Variants in ZNF831 observed in about 807,000 individuals in gnomAD.
The protein encoded by ZNF831 is chromosome 20 open reading frame 174.
Under a neutral mutation model 95.8 loss-of-function variants are expected in ZNF831, and 59 were observed. The ratio of observed to expected loss-of-function variants is 0.62; its 90% CI spans 0.50 to 0.77. ZNF831 has a LOEUF of 0.77. Among genes scored for constraint, ZNF831 ranks in the 30% least tolerant of loss-of-function variants. The pLI, the probability that ZNF831 is intolerant of heterozygous loss-of-function variation, is 0.00. For synonymous variants in ZNF831, 961 were observed against 925.5 expected (o/e 1.04, Z -0.70); for missense variants, 2,205 against 2,164.0 (o/e 1.02, Z -0.38).
At chr20:59,214,708 T>C (rs897925662) in intron 4 of ZNF831, among the ~76,000 whole-genome samples, 17 of 152,254 alleles carry the variant, frequency 1.1e-4, no homozygotes, top group African/African-American at 4.1e-4. Flanking sequence ...TACACATCCA[T>C]ATGAAGGGTG....
intron 4 of ZNF831, 24 bp from the exon 5 acceptor site, chr20:59,252,954 G>A (rs1987970898): frequency 1.9e-6 from 3 of 1,609,042 alleles, no homozygotes; most frequent in Non-Finnish European, 2.5e-6. Context: ...CCAGTCATAT[G>A]TAAATGTGCC....
At position 59,192,174 on chromosome 20, in the gene ZNF831, C is replaced by A. The variant is rs765050349; in HGVS notation, c.1155C>A (p.Val385=). ...GEGGPGPGPG[V]AGAEPGAREA... ...GCGGCCCGGGCCCGGGGCCAGGGGT[C>A]GCAGGGGCCGAGCCCGGGGCGCGAG... The change falls in exon 2 of 6, where the codon GTC becomes GTA. Residue 385 remains valine, a synonymous_variant. Coordinates refer to ENST00000371030, the MANE Select transcript of ZNF831 (RefSeq NM_178457.3). This position sits in a 1 kb window ranked among gnomAD's most constrained non-coding sequence, Gnocchi z 5.2. 1.3e-6 allele frequency: 2 copies of A among 1,562,930 alleles called. No homozygotes were observed. Among genetic ancestry groups the A allele is most frequent in the African/African-American group, 1.4e-5 (1 of 73,192 alleles).
intron 3 of ZNF831, among the ~76,000 whole-genome samples, chr20:59,200,923 A>C (rs527265976): frequency 3.3e-4 from 50 of 152,306 alleles, no homozygotes; most frequent in African/African-American, 1.1e-3. Flanking sequence ...GGGCTATTAC[A>C]AATAAAATGA....
intron 4 of ZNF831, among the ~76,000 whole-genome samples, chr20:59,228,443 A>G (rs1227018721): frequency 6.6e-6 from 1 of 152,020 alleles, no homozygotes; most frequent in Non-Finnish European, 1.5e-5. Context: ...CATGCTGCCA[A>G]CCAACTTCCA....
chr20:59,132,289 CT>C (rs11477187), intron 1 of ZNF831, among the ~76,000 whole-genome samples: 90,010 of 116,492 alleles, frequency 0.77, 35,854 homozygotes, highest in Non-Finnish European at 0.9. Flanking sequence ...AGGTTTAACT[CT>C]TTTTTTTTTT....
chr20:59,160,590 T>C (rs1980796786), upstream of ZNF831: 1 of 152,358 alleles, frequency 6.6e-6, no homozygotes, highest in African/African-American at 2.4e-5. Flanking sequence ...TCCTGCCACG[T>C]GACTGCACAT....
At chr20:59,152,232 A>C (rs1980286304) in intron 2 of ZNF831, among the ~76,000 whole-genome samples, 1 of 152,228 alleles carries the variant, frequency 6.6e-6, no homozygotes, top group Non-Finnish European at 1.5e-5. Flanking sequence ...CCAGAGAGCT[A>C]AGCTAAATCC....
rs1019728090 is a variant in ZNF831, at chr20:59,192,015, C to A, written c.996C>A (p.Pro332=). 1.1e-5 allele frequency: 18 copies of A among 1,608,516 alleles called. No individual in the cohort carries two copies. Among genetic ancestry groups the A allele is most frequent in the Non-Finnish European group, 1.4e-5 (17 of 1,178,832 alleles). ...AGAAGCCCTGGGATGCCAAGGCCCCCGAGGGCCGGCTGCGGAAGTGTGAGA... is the reference window on the plus strand; with the variant it reads ...AGAAGCCCTGGGATGCCAAGGCCCCAGAGGGCCGGCTGCGGAAGTGTGAGA... ...AAEKPWDAKA[P]EGRLRKCEST... is the part of the protein sequence containing the mutation. The change falls in exon 2 of 6, where the codon CCC becomes CCA. Residue 332 remains proline, a synonymous_variant. Coordinates refer to ENST00000371030, the MANE Select transcript of ZNF831 (RefSeq NM_178457.3). This position sits in a 1 kb window ranked among gnomAD's most constrained non-coding sequence, Gnocchi z 5.2.
At chr20:59,213,878 G>A (rs962314353) in intron 4 of ZNF831, among the ~76,000 whole-genome samples, 10 of 152,148 alleles carry the variant, frequency 6.6e-5, no homozygotes, top group African/African-American at 2.2e-4. Context: ...TAACCGAACT[G>A]CGAATGTCCT....
In ZNF831 at chr20:59,141,221, C is replaced by A. The variant is rs558818470; in HGVS notation, c.-1424-5010C>A. 5.8e-4 allele frequency among the ~76,000 whole-genome samples: 89 copies of A among 152,212 alleles called. No homozygotes were observed. The Middle Eastern group carries it at 0.014, about 23-fold the overall frequency. ...AGCCAGTTTTTAATTTTAATAAAGT[C>A]TAATTTATTGATTTTTTTTCTTTTA... is the stretch of plus-strand genomic sequence containing the variant. On this transcript the variant is annotated intron_variant, in intron 1 of 7. Transcript: ENST00000637017.
At chr20:59,253,736 A>T (rs1988023048) in intron 5 of ZNF831, among the ~76,000 whole-genome samples, 162 bp from the exon 6 acceptor site, 1 of 152,162 alleles carries the variant, frequency 6.6e-6, no homozygotes, top group Non-Finnish European at 1.5e-5. Context: ...ATTAGTTATT[A>T]ATGGAAACTT....
At chr20:59,222,644 G>C (rs1206715481) in intron 4 of ZNF831, among the ~76,000 whole-genome samples, 2 of 152,176 alleles carry the variant, frequency 1.3e-5, no homozygotes, top group African/African-American at 4.8e-5. Flanking sequence ...CAGAGGGCTG[G>C]GATTTACAGC....
chr20:59,152,034 A>C (rs1980276909), intron 2 of ZNF831, among the ~76,000 whole-genome samples: 1 of 152,062 alleles, frequency 6.6e-6, no homozygotes, highest in Non-Finnish European at 1.5e-5. Flanking sequence ...TCCTTTCCTC[A>C]TCTGTTAAGT....
Position 59,142,932 on chromosome 20 carries a change from T to C in ZNF831, c.-1424-3299T>C, listed in dbSNP as rs183346673. ...TTTTTTTTAGACCACGGTCTCACTC[T>C]GTTGCCCAGGCTGGAGTGCAGTGGC... On this transcript the variant is annotated intron_variant, in intron 1 of 7. Coordinates refer to the ZNF831 transcript ENST00000637017. 1.5e-3 allele frequency among the ~76,000 whole-genome samples: 222 copies of C among 152,366 alleles called. 1 individual carries two copies. Among genetic ancestry groups the C allele is most frequent in the African/African-American group, 4.6e-3 (190 of 41,588 alleles).
At chr20:59,206,775 G>T in intron 3 of ZNF831, 130 bp from the exon 4 acceptor site, 1 of 970,450 alleles carries the variant, frequency 1.0e-6, no homozygotes, top group South Asian at 1.6e-5. Context: ...ATCAGGAGTT[G>T]CTCAGAGCTG....
intron 5 of ZNF831, among the ~76,000 whole-genome samples, chr20:59,253,464 G>A (rs578255311): frequency 3.9e-5 from 6 of 152,214 alleles, no homozygotes; most frequent in African/African-American, 9.6e-5. Flanking sequence ...GTGGGGCTGC[G>A]TGTTGAAAAC....
At chr20:59,166,530 C>T (rs902381800) in intron 1 of ZNF831, among the ~76,000 whole-genome samples, 7 of 152,286 alleles carry the variant, frequency 4.6e-5, no homozygotes, top group African/African-American at 1.7e-4. Context: ...TCTGTCACCG[C>T]AAGGATGCGT....
At chr20:59,213,580 A>ATTGTTTCTTTACATT (rs1413810717) in intron 4 of ZNF831, among the ~76,000 whole-genome samples, 1 of 152,224 alleles carries the variant, frequency 6.6e-6, no homozygotes, top group Non-Finnish European at 1.5e-5. Flanking sequence ...ACAATTTAAC[A>ATTGTTTCTTTACATT]AACATAAGTT....
chr20:59,200,574 AC>A (rs1422235926), intron 3 of ZNF831, among the ~76,000 whole-genome samples: 1 of 152,174 alleles, frequency 6.6e-6, no homozygotes, highest in Non-Finnish European at 1.5e-5. Flanking sequence ...AGGATCATGA[AC>A]ATATCTGTCA....
Sources: allele counts gnomAD v4.1 joint callset (sites outside exome capture counted in the v4.1 genomes callset), GRCh38; gene constraint gnomAD v4.1.1; non-coding constraint Gnocchi (gnomAD v3.1); transcripts MANE v1.5; gene names NCBI Gene and HGNC (gene_info 2026-07-23, HGNC 2026-07-21).